The following SCN8A variants were observed in gnomAD, a reference collection of about 807,000 sequenced individuals.
SCN8A encodes sodium voltage-gated channel alpha subunit 8, also known as sodium channel protein type 8 subunit alpha.
A neutral mutation model predicts 184.1 loss-of-function variants in SCN8A; 30 were observed. That is an observed-to-expected ratio of 0.16 (90% CI 0.12 to 0.22). The LOEUF (loss-of-function observed/expected upper bound fraction) is 0.22, where lower values mean the gene tolerates loss of function less well. Ranked by LOEUF, SCN8A falls within the 10% of genes least tolerant of loss-of-function variation. SCN8A has a pLI of 1.00. For synonymous variants in SCN8A, 852 were observed against 907.0 expected (o/e 0.94, Z 1.09); for missense variants, 1,057 against 2,498.9 (o/e 0.42, Z 12.30).
At chr12:51,752,099 C>T (rs991180698) in intron 14 of SCN8A, among the ~76,000 whole-genome samples, 1 of 152,022 alleles carries the variant, frequency 6.6e-6, no homozygotes, top group Non-Finnish European at 1.5e-5. Context: ...AGGCTGGTTT[C>T]CCCCTCCAAT....
chr12:51,668,073 C>T (rs1250240174), intron 2 of SCN8A, among the ~76,000 whole-genome samples: 2 of 151,766 alleles, frequency 1.3e-5, no homozygotes, highest in East Asian at 3.9e-4. Flanking sequence ...GTCCCAGCTA[C>T]TCAGGAGGCT....
chr12:51,681,454 G>A (rs570154656), intron 2 of SCN8A, among the ~76,000 whole-genome samples: 3 of 152,268 alleles, frequency 2.0e-5, no homozygotes, highest in African/African-American at 7.2e-5. Flanking sequence ...TTTCATAGAG[G>A]GAGTTGCTGT....
chr12:51,672,314 A>G (rs1202565464), intron 2 of SCN8A, among the ~76,000 whole-genome samples: 1 of 152,130 alleles, frequency 6.6e-6, no homozygotes, highest in Non-Finnish European at 1.5e-5. Context: ...AGATCTTCCC[A>G]ATAACATCTC....
chr12:51,645,231 C>T (rs1467964396), intron 1 of SCN8A, among the ~76,000 whole-genome samples: 1 of 147,788 alleles, frequency 6.8e-6, no homozygotes, highest in Non-Finnish European at 1.5e-5. Context: ...GCCCGGCCAG[C>T]CGCCCCATCC....
intron 11 of SCN8A, among the ~76,000 whole-genome samples, chr12:51,718,129 A>G (rs889359055): frequency 6.6e-6 from 1 of 152,190 alleles, no homozygotes; most frequent in Admixed American, 6.5e-5. Context: ...GTAGCCAACA[A>G]AAAGATAAGG....
At chr12:51,718,942 A>G (rs916571137) in intron 11 of SCN8A, among the ~76,000 whole-genome samples, 10 of 151,940 alleles carry the variant, frequency 6.6e-5, no homozygotes, top group Non-Finnish European at 1.3e-4. Flanking sequence ...TTGAGTTTTC[A>G]GTTCTTTGCT....
chr12:51,685,553 C>T (rs1592378507), intron 3 of SCN8A, among the ~76,000 whole-genome samples: 1 of 152,190 alleles, frequency 6.6e-6, no homozygotes, highest in East Asian at 1.9e-4. Context: ...GGTTTGCTAT[C>T]CATAAACATT....
chr12:51,634,633 G>A (rs184219948), intron 1 of SCN8A, among the ~76,000 whole-genome samples: 4 of 139,716 alleles, frequency 2.9e-5, no homozygotes, highest in Non-Finnish European at 3.1e-5. Context: ...AATGAAATAC[G>A]TATTATTATT....
At chr12:51,674,995 G>A (rs1452510451) in intron 2 of SCN8A, among the ~76,000 whole-genome samples, 1 of 152,196 alleles carries the variant, frequency 6.6e-6, no homozygotes, top group African/African-American at 2.4e-5. Context: ...TAAGAGAGAG[G>A]AGAGTGAGAA....
chr12:51,649,223 G>A (rs1028443511), intron 1 of SCN8A, among the ~76,000 whole-genome samples: 11 of 152,210 alleles, frequency 7.2e-5, no homozygotes, highest in Non-Finnish European at 1.6e-4. Context: ...TGGTTTTGCA[G>A]GGTACAGCCT....
chr12:51,620,726 G>A (rs1390969897), intron 1 of SCN8A, among the ~76,000 whole-genome samples: 1 of 151,790 alleles, frequency 6.6e-6, no homozygotes, highest in Non-Finnish European at 1.5e-5. Context: ...GGTGATTCAC[G>A]CCTGTAATCC....
chr12:51,754,946 T>C (rs1211827370), intron 14 of SCN8A, among the ~76,000 whole-genome samples: 1 of 152,234 alleles, frequency 6.6e-6, no homozygotes, highest in East Asian at 1.9e-4. Flanking sequence ...TGCCAGGCTT[T>C]TCATCTGTGA....
At chr12:51,736,976 T>C (rs1354288421) in intron 12 of SCN8A, among the ~76,000 whole-genome samples, 2 of 152,222 alleles carry the variant, frequency 1.3e-5, no homozygotes, top group Admixed American at 6.5e-5. Context: ...ACACCTTCAA[T>C]TGGTTTAAAT....
intron 1 of SCN8A, among the ~76,000 whole-genome samples, chr12:51,618,389 T>C (rs1256417364): frequency 6.6e-6 from 1 of 151,940 alleles, no homozygotes; most frequent in Admixed American, 6.6e-5. Flanking sequence ...TAGCTTTTTC[T>C]GTCTGTGCTT....
At chr12:51,781,635 T>G (rs1383160632) in intron 21 of SCN8A, among the ~76,000 whole-genome samples, 1 of 152,128 alleles carries the variant, frequency 6.6e-6, no homozygotes, top group African/African-American at 2.4e-5. Context: ...CAATTGTGCG[T>G]GTGCGTGCGT....
At chr12:51,591,694 A>G (rs1332142664) in intron 1 of SCN8A, among the ~76,000 whole-genome samples, 2 of 151,734 alleles carry the variant, frequency 1.3e-5, no homozygotes, top group African/African-American at 4.8e-5. Context: ...GCAGCCCTCC[A>G]TCCCTCCCTC....
intron 2 of SCN8A, among the ~76,000 whole-genome samples, chr12:51,680,206 G>A (rs1283228840): frequency 1.3e-5 from 2 of 152,134 alleles, no homozygotes; most frequent in Non-Finnish European, 2.9e-5. Context: ...ACTTGATGAA[G>A]ATATAAGATG....
intron 1 of SCN8A, among the ~76,000 whole-genome samples, chr12:51,641,022 T>C (rs1280390235): frequency 6.6e-6 from 1 of 152,118 alleles, no homozygotes; most frequent in East Asian, 1.9e-4. Flanking sequence ...ACAAGTGAGA[T>C]TGGAAATGCA....
chr12:51,681,284 G>A (rs111389617), intron 2 of SCN8A, among the ~76,000 whole-genome samples: 2 of 152,192 alleles, frequency 1.3e-5, no homozygotes, highest in Admixed American at 6.5e-5. Context: ...TGAGAGGCTC[G>A]AAGCTCGGCA....
Sources: allele counts gnomAD v4.1 joint callset (sites outside exome capture counted in the v4.1 genomes callset), GRCh38; gene constraint gnomAD v4.1.1; transcripts MANE v1.5; gene names NCBI Gene and HGNC (gene_info 2026-07-23, HGNC 2026-07-21).